TPH2: variants seen among roughly 807,000 people sequenced by gnomAD.
The protein encoded by TPH2 is tryptophan hydroxylase 2.
TPH2 carries 27 observed loss-of-function variants against 59.1 expected under a neutral mutation model. The ratio of observed to expected loss-of-function variants is 0.46; its 90% confidence interval spans 0.34 to 0.63. TPH2 has a LOEUF of 0.63. Among genes scored for constraint, TPH2 ranks in the 30% least tolerant of loss-of-function variants. The probability of loss-of-function intolerance (pLI) is 0.01; values close to 1 mark genes in which losing one functional copy is unlikely to be tolerated. For missense variants in TPH2, 523 were observed against 588.3 expected (o/e 0.89, Z 1.15); for synonymous variants, 220 against 210.5 (o/e 1.05, Z -0.39).
chr12:71,958,699 A>C (rs781544420), intron 5 of TPH2, among the ~76,000 whole-genome samples: 6 of 152,208 alleles, frequency 3.9e-5, no homozygotes, highest in African/African-American at 7.2e-5. Flanking sequence ...TGAGATACAG[A>C]ATGAATGGAA....
chr12:71,982,015 A>ATTTTTTTTTTTTTTGTTTTTTTT (rs1872294704), intron 7 of TPH2, among the ~76,000 whole-genome samples: 1 of 60,492 alleles, frequency 1.7e-5, no homozygotes, highest in Non-Finnish European at 3.4e-5. Flanking sequence ...TATCATTCGT[A>ATTTTTTTTTTTTTTGTTTTTTTT]TTTTTTTTTT....
chr12:72,001,712 A>G (rs930110193), intron 8 of TPH2, among the ~76,000 whole-genome samples: 12 of 152,240 alleles, frequency 7.9e-5, no homozygotes, highest in African/African-American at 2.9e-4. Flanking sequence ...TAGAAACATA[A>G]TATGTGGAGT....
intron 5 of TPH2, chr12:71,962,198 A>C: frequency 1.0e-6 from 1 of 985,900 alleles, no homozygotes; most frequent in Non-Finnish European, 1.2e-6. Flanking sequence ...GAATGTTTTG[A>C]AATTCAGGCA....
At chr12:71,998,712 G>A (rs1177563962) in intron 8 of TPH2, among the ~76,000 whole-genome samples, 3 of 152,198 alleles carry the variant, frequency 2.0e-5, no homozygotes, top group African/African-American at 7.2e-5. Flanking sequence ...ATGGTAGCTA[G>A]CAAGGCCAGA....
intron 5 of TPH2, 112 bp downstream of exon 5, chr12:71,949,767 C>A (rs961945929): frequency 2.3e-6 from 2 of 855,088 alleles, no homozygotes; most frequent in South Asian, 1.4e-5. Context: ...CAGGTGTGAA[C>A]CATTTTAAAC....
At position 71,994,648 on chromosome 12, in the gene TPH2, TTA is replaced by T; in HGVS notation, c.1068+86_1068+87del. On this transcript the variant is annotated intron_variant, in intron 8 of 10. Transcript: ENST00000333850. ...AAGCTTCAGGATTATTGACTATGAG[TTA>T]TAGGTAAATGTTCTGGAGAAAACAT... The T allele has an allele frequency of 4.5e-6, 7 of 1,540,584 alleles. No homozygotes were observed. The South Asian group carries it at 7.9e-5, about 17-fold the overall frequency.
chr12:71,944,187 C>A, intron 2 of TPH2, 107 bp from the exon 3 acceptor site: 1 of 1,115,996 alleles, frequency 9.0e-7, no homozygotes, highest in South Asian at 1.3e-5. Context: ...TTGTCTCTTC[C>A]TCTTGTGTGG....
In TPH2 at chr12:71,944,599, G is replaced by C. The variant is rs765477499; in HGVS notation, c.453G>C (p.Val151=). 2 of 1,613,936 alleles carry C rather than the reference G, an allele frequency of 1.2e-6. No individual in the cohort carries two copies. The highest frequency in any genetic ancestry group is 1.7e-6 in the Non-Finnish European group (2 of 1,179,852). ...IWTEEEELED[V]PWFPRKISEL... ...TGTTTTCAACAGAGCTAGAGGATGT[G>C]CCCTGGTTCCCTCGGAAGATCTCTG... Residue 151 remains valine, a synonymous_variant, in exon 4 of 11, where the codon GTG becomes GTC. Transcript: ENST00000333850.
At chr12:72,016,548 T>A (rs1026501495) in intron 8 of TPH2, among the ~76,000 whole-genome samples, 1 of 152,156 alleles carries the variant, frequency 6.6e-6, no homozygotes, top group African/African-American at 2.4e-5. Context: ...GTTTGGCACA[T>A]CTCAAACCAA....
chr12:72,015,313 TTG>T (rs1873212132), intron 8 of TPH2, among the ~76,000 whole-genome samples: 2 of 142,588 alleles, frequency 1.4e-5, no homozygotes, highest in African/African-American at 5.2e-5. Context: ...TTTTTTTTGG[TTG>T]TTTTTTTTTT....
At chr12:72,018,106 C>T (rs1303587493) in intron 8 of TPH2, among the ~76,000 whole-genome samples, 1 of 152,200 alleles carries the variant, frequency 6.6e-6, no homozygotes, top group Non-Finnish European at 1.5e-5. Flanking sequence ...GTCTAATTCT[C>T]TAAACAGAAT....
intron 8 of TPH2, among the ~76,000 whole-genome samples, chr12:72,010,356 A>G (rs1430797236): frequency 6.6e-6 from 1 of 152,166 alleles, no homozygotes; most frequent in Non-Finnish European, 1.5e-5. Context: ...CAATTACTAA[A>G]AGACCCTCAA....
chr12:72,031,906 G>A lies in TPH2; in HGVS notation c.*211G>A, dbSNP rs748799129. The A allele has an allele frequency of 1.8e-5, 11 of 600,994 alleles. No homozygotes were observed. Among genetic ancestry groups the A allele is most frequent in the East Asian group, 8.8e-5 (3 of 34,066 alleles). The allele number at this position is 600,994 out of a possible 1,614,324, so 37.2% of individuals were successfully genotyped here. ...ATAACCACTCATTGTATGAAATAAC[G>A]TATTATGTTTAAACATCTTAAAAAG... On this transcript the variant is annotated 3_prime_UTR_variant, in exon 11 of 11. Coordinates refer to ENST00000333850, the MANE Select transcript of TPH2 (RefSeq NM_173353.4).
At chr12:72,029,066 A>G (rs902554733) in intron 9 of TPH2, among the ~76,000 whole-genome samples, 1 of 152,244 alleles carries the variant, frequency 6.6e-6, no homozygotes, top group African/African-American at 2.4e-5. Flanking sequence ...CACTGATTTC[A>G]GTCTCTGTCA....
At chr12:71,946,812 C>T (rs1412229117) in intron 4 of TPH2, among the ~76,000 whole-genome samples, 1 of 152,122 alleles carries the variant, frequency 6.6e-6, no homozygotes, top group Non-Finnish European at 1.5e-5. Flanking sequence ...GGTTAAATAT[C>T]TAGGTCAGTG....
chr12:71,992,695 T>C (rs1305511426), intron 7 of TPH2, among the ~76,000 whole-genome samples: 3 of 152,240 alleles, frequency 2.0e-5, no homozygotes, highest in Admixed American at 6.5e-5. Flanking sequence ...TTTGTTAAAT[T>C]GGAATAATAA....
chr12:71,950,765 G>A (rs1871323774), intron 5 of TPH2, among the ~76,000 whole-genome samples: 1 of 152,110 alleles, frequency 6.6e-6, no homozygotes, highest in Non-Finnish European at 1.5e-5. Flanking sequence ...ATTTTTCACT[G>A]GTGAAAGTTT....
At position 72,002,493 on chromosome 12, in the gene TPH2, G is replaced by A. The variant is rs531738862; in HGVS notation, c.1068+7928G>A. Among the ~76,000 whole-genome samples the A allele has an allele frequency of 2.0e-5, 3 of 152,294 alleles. No homozygotes were observed. The South Asian group carries it at 6.2e-4, about 32-fold the overall frequency. On this transcript the variant is annotated intron_variant, in intron 8 of 10. Coordinates refer to ENST00000333850, the MANE Select transcript of TPH2 (RefSeq NM_173353.4). ...TGGCTACATCTGAGCTCTGATAATG[G>A]CAAGGTTAGAACGCTAAACATTTAG...
chr12:72,023,821 G>GAAAAAAAAAAAAAAAAAAAAA (rs767208238), intron 9 of TPH2, among the ~76,000 whole-genome samples: 2 of 27,908 alleles, frequency 7.2e-5, no homozygotes, highest in African/African-American at 1.2e-4. Flanking sequence ...GACTCTGACA[G>GAAAAAAAAAAAAAAAAAAAAA]AAAAAAAAAA....
Sources: allele counts gnomAD v4.1 joint callset (sites outside exome capture counted in the v4.1 genomes callset), GRCh38; gene constraint gnomAD v4.1.1; transcripts MANE v1.5; gene names NCBI Gene and HGNC (gene_info 2026-07-23, HGNC 2026-07-21).